The following COL24A1 variants were observed in gnomAD, a reference collection of about 807,000 sequenced individuals.
COL24A1 encodes collagen type XXIV alpha 1 chain.
In COL24A1, 224 loss-of-function variants were observed where a neutral mutation model predicts 253.9. That is an observed-to-expected ratio of 0.88 (90% CI 0.79 to 0.99). COL24A1 has a LOEUF of 0.99. Ranked by LOEUF, COL24A1 falls within the 50% of genes least tolerant of loss-of-function variation. The pLI is 0.00. For missense variants in COL24A1, 2,131 were observed against 2,068.5 expected (o/e 1.03, Z -0.59); for synonymous variants, 685 against 673.7 (o/e 1.02, Z -0.26).
At chr1:85,925,194 C>T (rs1372840640) in intron 24 of COL24A1, among the ~76,000 whole-genome samples, 1 of 152,184 alleles carries the variant, frequency 6.6e-6, no homozygotes, top group African/African-American at 2.4e-5. Context: ...AATGGAAGAA[C>T]ATTCCATGCT....
rs1480761063 is a variant in COL24A1, at chr1:85,927,504, GA to G, written c.2563-16072del. 2.3e-5 allele frequency among the ~76,000 whole-genome samples: 3 copies of G among 130,528 alleles called. No individual in the cohort carries two copies. The East Asian group carries it at 7.0e-4, about 31-fold the overall frequency. 85.6% of individuals were successfully genotyped at this position (130,528 alleles called of 152,430 possible). On this transcript the variant is annotated intron_variant, in intron 24 of 59. Coordinates refer to ENST00000370571, the MANE Select transcript of COL24A1 (RefSeq NM_152890.7). ...CTGCAAGGCGGCAACGAGGCTGGGG[GA>G]GGGGCGCCCGCCATTGCCCAGGCTT...
At chr1:85,981,066 C>T (rs754802576) in intron 20 of COL24A1, among the ~76,000 whole-genome samples, 2 of 152,116 alleles carry the variant, frequency 1.3e-5, no homozygotes, top group Non-Finnish European at 2.9e-5. Flanking sequence ...GTGAAAATGA[C>T]CATACTGCCA....
At chr1:86,003,923 T>C (rs1160338685) in intron 19 of COL24A1, among the ~76,000 whole-genome samples, 1 of 152,140 alleles carries the variant, frequency 6.6e-6, no homozygotes, top group East Asian at 1.9e-4. Context: ...AAAAACCAAG[T>C]AGACAAAATG....
rs753824638 is a variant in COL24A1, at chr1:86,050,189, A to T, written c.1852-12T>A. 1.2e-6 allele frequency: 2 copies of T among 1,611,674 alleles called. No individual in the cohort carries two copies. The highest frequency in any genetic ancestry group is 2.2e-5 in the South Asian group (2 of 90,998). Reference sequence around the variant, plus strand: ...GAGCCAATAAAACCCTTAAAACAAGAAAATAGTCTGTATATTAGTTCATTT... The same window carrying T: ...GAGCCAATAAAACCCTTAAAACAAGTAAATAGTCTGTATATTAGTTCATTT... On this transcript the variant is annotated splice_polypyrimidine_tract_variant and intron_variant, in intron 10 of 59. Coordinates refer to ENST00000370571, the MANE Select transcript of COL24A1 (RefSeq NM_152890.7).
At chr1:86,021,064 A>T (rs1697484185) in intron 18 of COL24A1, among the ~76,000 whole-genome samples, 1 of 152,222 alleles carries the variant, frequency 6.6e-6, no homozygotes, top group Non-Finnish European at 1.5e-5. Flanking sequence ...GTTAGAAGTC[A>T]CAAAGAATGG....
chr1:86,074,155 G>T (rs1440568889), intron 7 of COL24A1, among the ~76,000 whole-genome samples: 1 of 152,140 alleles, frequency 6.6e-6, no homozygotes, highest in East Asian at 1.9e-4. Flanking sequence ...CCAATTAAAA[G>T]ACACAGACTG....
At chr1:85,962,687 A>T (rs1691191761) in intron 23 of COL24A1, among the ~76,000 whole-genome samples, 1 of 152,234 alleles carries the variant, frequency 6.6e-6, no homozygotes, top group Admixed American at 6.5e-5. Context: ...AACGAAAGGT[A>T]AAAGATTAAG....
intron 14 of COL24A1, among the ~76,000 whole-genome samples, chr1:86,025,543 A>G (rs1422942627): frequency 6.6e-6 from 1 of 152,222 alleles, no homozygotes; most frequent in Non-Finnish European, 1.5e-5. Flanking sequence ...TAACAATGAC[A>G]ACCAACTGCA....
At chr1:85,840,495 T>G (rs546044757) in intron 42 of COL24A1, among the ~76,000 whole-genome samples, 1 of 152,282 alleles carries the variant, frequency 6.6e-6, no homozygotes, top group South Asian at 2.1e-4. Flanking sequence ...GACTACATAT[T>G]CTGATCCTTG....
In COL24A1 at chr1:86,125,206, A is replaced by T; in HGVS notation, c.1130T>A (p.Ile377Asn). The T allele has an allele frequency of 6.2e-7, 1 of 1,613,540 alleles. No individual in the cohort carries two copies. The change falls in exon 3 of 60, where the codon ATC (isoleucine) becomes AAC (asparagine). Residue 377 changes from isoleucine to asparagine, a missense_variant. Ile to Asn is a moderately radical substitution (Grantham distance 149). Coordinates refer to ENST00000370571, the MANE Select transcript of COL24A1 (RefSeq NM_152890.7). ...AGTTACTCTATCATCATGTTGTGTGATATTGTCAGACATGTTTAGGAGAGA... is the reference window on the plus strand; with the variant it reads ...AGTTACTCTATCATCATGTTGTGTGTTATTGTCAGACATGTTTAGGAGAGA... ...FSSLLNMSDN[I>N]TQHDDRVTGL...
chr1:86,045,144 C>T (rs1000766441), intron 12 of COL24A1, among the ~76,000 whole-genome samples: 3 of 152,072 alleles, frequency 2.0e-5, no homozygotes, highest in African/African-American at 7.2e-5. Context: ...CACCCACCAC[C>T]ACAGCCAGCT....
intron 12 of COL24A1, among the ~76,000 whole-genome samples, chr1:86,045,580 C>T (rs1342295037): frequency 6.6e-6 from 1 of 151,600 alleles, no homozygotes; most frequent in Non-Finnish European, 1.5e-5. Context: ...ATTAACACAC[C>T]AATGTATTCA....
intron 19 of COL24A1, among the ~76,000 whole-genome samples, chr1:86,001,818 C>A (rs1384805864): frequency 6.6e-6 from 1 of 152,158 alleles, no homozygotes; most frequent in African/African-American, 2.4e-5. Context: ...CAACAATTTA[C>A]AACTTTCTCT....
rs1421261247 is a variant in COL24A1 at position 86,067,892 on chromosome 1, A to C, written c.1708-4133T>G. ...TCTATACTCATACAGGAAGAATAAC[A>C]AAAAAGTTTCCATAACTAGCATATG... On this transcript the variant is annotated intron_variant, in intron 7 of 59. Coordinates refer to ENST00000370571, the MANE Select transcript of COL24A1 (RefSeq NM_152890.7). Among the ~76,000 whole-genome samples, 3 of 152,332 alleles carry C rather than the reference A, an allele frequency of 2.0e-5. No individual in the cohort carries two copies. In the East Asian group the frequency reaches 5.8e-4, roughly 29 times the overall value.
At chr1:85,850,084 T>C (rs1281184333) in intron 37 of COL24A1, among the ~76,000 whole-genome samples, 1 of 152,180 alleles carries the variant, frequency 6.6e-6, no homozygotes, top group African/African-American at 2.4e-5. Flanking sequence ...AATATTTTCA[T>C]TTCAATTTGT....
intron 37 of COL24A1, among the ~76,000 whole-genome samples, chr1:85,858,273 G>A (rs905965283): frequency 3.9e-5 from 6 of 152,138 alleles, no homozygotes; most frequent in African/African-American, 1.4e-4. Context: ...CCATTGCAAT[G>A]AGAATAATCA....
chr1:85,754,958 T>C (rs1481473674), intron 55 of COL24A1, among the ~76,000 whole-genome samples: 1 of 152,080 alleles, frequency 6.6e-6, no homozygotes, highest in Non-Finnish European at 1.5e-5. Context: ...TGCAAAAATA[T>C]TAACCTACAC....
At chr1:85,796,696 T>A (rs139048669) in intron 47 of COL24A1, among the ~76,000 whole-genome samples, 2 of 152,236 alleles carry the variant, frequency 1.3e-5, no homozygotes, top group African/African-American at 4.8e-5. Flanking sequence ...TAACCATTTA[T>A]ATTTATTATT....
intron 2 of COL24A1, among the ~76,000 whole-genome samples, chr1:86,135,822 A>C (rs1320879195): frequency 1.3e-5 from 2 of 151,920 alleles, no homozygotes; most frequent in Non-Finnish European, 2.9e-5. Context: ...TTGTGTGTAC[A>C]TTCTCATTTT....
Sources: gnomAD v4.1 joint callset for allele counts (sites outside exome capture counted in the v4.1 genomes callset) on GRCh38, gnomAD v4.1.1 for gene constraint, MANE v1.5 for transcripts, NCBI Gene and HGNC (gene_info 2026-07-23, HGNC 2026-07-21) for gene names.